Variants in PALM2AKAP2 observed in about 807,000 individuals in gnomAD.
PALM2AKAP2 encodes the protein PALM2 and AKAP2 fusion.
In PALM2AKAP2, 37 loss-of-function variants were observed where a neutral mutation model predicts 71.5. The ratio of observed to expected loss-of-function variants is 0.52; its 90% CI spans 0.40 to 0.68. PALM2AKAP2 has a LOEUF of 0.68. PALM2AKAP2 is among the 30% of genes least tolerant of loss of function. The pLI is 0.00. For missense variants in PALM2AKAP2, 1,224 were observed against 1,191.8 expected (o/e 1.03, Z -0.40); for synonymous variants, 468 against 478.8 (o/e 0.98, Z 0.29).
At chr9:110,141,231 A>G (rs1412095401) in intron 2 of PALM2AKAP2, among the ~76,000 whole-genome samples, 2 of 151,996 alleles carry the variant, frequency 1.3e-5, no homozygotes, top group East Asian at 3.9e-4. Flanking sequence ...CCCAGTATCA[A>G]TCTCCCCAGT....
chr9:109,691,901 T>C (rs4565529), intron 1 of PALM2AKAP2, among the ~76,000 whole-genome samples: 9,480 of 58,160 alleles, frequency 0.16, 790 homozygotes, highest in African/African-American at 0.23. Flanking sequence ...TATATATATA[T>C]ACACACACAC....
At chr9:110,083,608 T>C (rs970101629) in intron 1 of PALM2AKAP2, among the ~76,000 whole-genome samples, 3 of 152,238 alleles carry the variant, frequency 2.0e-5, no homozygotes, top group African/African-American at 7.2e-5. Flanking sequence ...ATCTGTCTGC[T>C]TTCTATCTTG....
intron 3 of PALM2AKAP2, among the ~76,000 whole-genome samples, chr9:109,918,263 A>G (rs1830740783): frequency 6.6e-6 from 1 of 152,220 alleles, no homozygotes. Context: ...AAATAAGAGC[A>G]TGATCGATGC....
chr9:109,988,290 G>A (rs1181290606), intron 6 of PALM2AKAP2, among the ~76,000 whole-genome samples: 1 of 152,142 alleles, frequency 6.6e-6, no homozygotes, highest in East Asian at 1.9e-4. Flanking sequence ...TTTAGAATGA[G>A]TTAGTTTGTT....
intron 1 of PALM2AKAP2, among the ~76,000 whole-genome samples, chr9:109,807,732 C>A (rs1047815107): frequency 2.0e-5 from 3 of 152,038 alleles, no homozygotes; most frequent in African/African-American, 7.3e-5. Flanking sequence ...CTAATTCACC[C>A]CCTGATATGG....
At chr9:109,644,665 A>G (rs1827123054) in intron 1 of PALM2AKAP2, among the ~76,000 whole-genome samples, 1 of 152,184 alleles carries the variant, frequency 6.6e-6, no homozygotes. Flanking sequence ...GAATGCCTTT[A>G]ACAGCACCCA....
At chr9:109,937,042 G>A (rs968004939) in intron 6 of PALM2AKAP2, among the ~76,000 whole-genome samples, 2 of 152,248 alleles carry the variant, frequency 1.3e-5, no homozygotes, top group East Asian at 1.9e-4. Flanking sequence ...TGCTTGTGTC[G>A]GTTACTCTTG....
chr9:109,945,323 A>G (rs896028628), intron 6 of PALM2AKAP2: 15 of 152,218 alleles, frequency 9.9e-5, no homozygotes, highest in Admixed American at 9.8e-4. Flanking sequence ...TCTGCTGTTG[A>G]AGATTATTTC....
At chr9:109,779,109 C>T (rs1829392539), upstream of PALM2AKAP2, among the ~76,000 whole-genome samples, 1 of 152,176 alleles carries the variant, frequency 6.6e-6, no homozygotes, top group Non-Finnish European at 1.5e-5. Context: ...AATCCTATGG[C>T]TCTAAAGAGG....
Position 109,998,265 on chromosome 9 carries a change from A to T in PALM2AKAP2, c.497-17689A>T, listed in dbSNP as rs117359007. Among the ~76,000 whole-genome samples the T allele has an allele frequency of 6.0e-3, 909 of 152,308 alleles. 7 individuals are homozygous for T. The highest frequency in any genetic ancestry group is 7.7e-3 in the Non-Finnish European group (525 of 68,018). ...CTCCTTCAGTCCCAGCTTAGTGGCT[A>T]CTGACTGTGAGACTTTGACAACTTA... is the stretch of plus-strand genomic sequence containing the variant. On this transcript the variant is annotated intron_variant, in intron 6 of 9. Transcript: ENST00000302798.
intron 1 of PALM2AKAP2, among the ~76,000 whole-genome samples, chr9:109,861,000 C>T (rs1829291563): frequency 1.3e-5 from 2 of 152,320 alleles, no homozygotes; most frequent in South Asian, 2.1e-4. Flanking sequence ...ATTTTCTTTA[C>T]CCTCCTCTTG....
At chr9:109,997,653 C>T (rs185722236) in intron 6 of PALM2AKAP2, among the ~76,000 whole-genome samples, 1 of 152,350 alleles carries the variant, frequency 6.6e-6, no homozygotes, top group Non-Finnish European at 1.5e-5. Context: ...ATGGACCTTC[C>T]TGTTTCTCAA....
At chr9:109,645,439 A>G (rs967318967) in intron 1 of PALM2AKAP2, among the ~76,000 whole-genome samples, 16 of 152,134 alleles carry the variant, frequency 1.1e-4, no homozygotes, top group African/African-American at 3.6e-4. Flanking sequence ...GAGAGAAACC[A>G]TATCACCAAG....
At chr9:109,941,541 G>A (rs1000940427) in intron 6 of PALM2AKAP2, among the ~76,000 whole-genome samples, 2 of 152,200 alleles carry the variant, frequency 1.3e-5, no homozygotes, top group African/African-American at 2.4e-5. Context: ...GGAGACTGTG[G>A]AATAGTTTTG....
At chr9:109,830,686 G>T (rs781701052) in intron 1 of PALM2AKAP2, among the ~76,000 whole-genome samples, 1 of 152,166 alleles carries the variant, frequency 6.6e-6, no homozygotes, top group Non-Finnish European at 1.5e-5. Flanking sequence ...AATGGCCTTG[G>T]GGGAGAGGGA....
chr9:109,650,960 G>T (rs1827216894), intron 1 of PALM2AKAP2, among the ~76,000 whole-genome samples: 1 of 152,178 alleles, frequency 6.6e-6, no homozygotes, highest in Non-Finnish European at 1.5e-5. Context: ...CAAAAAAAGA[G>T]TTCATGAATG....
chr9:110,109,989 T>C (rs1835209386), intron 1 of PALM2AKAP2, among the ~76,000 whole-genome samples: 1 of 152,136 alleles, frequency 6.6e-6, no homozygotes. Context: ...AAATTTCAAT[T>C]ATGCAGCAGG....
chr9:109,776,735 ATG>A (rs1319745197), upstream of PALM2AKAP2, among the ~76,000 whole-genome samples: 2 of 152,212 alleles, frequency 1.3e-5, no homozygotes, highest in African/African-American at 4.8e-5. Flanking sequence ...GGAAAAAAAA[ATG>A]TGTATATGAA....
exon 2 of PALM2AKAP2, chr9:110,136,749 C>T (rs1274207727): frequency 6.2e-7 from 1 of 1,614,158 alleles, no homozygotes. Flanking sequence ...TTCACTCTCA[C>T]CACACTGAAA....
Sources: gnomAD v4.1 joint callset for allele counts (sites outside exome capture counted in the v4.1 genomes callset) on GRCh38, gnomAD v4.1.1 for gene constraint, MANE v1.5 for transcripts, NCBI Gene and HGNC (gene_info 2026-07-23, HGNC 2026-07-21) for gene names.